SPEF2: variants seen among roughly 807,000 people sequenced by gnomAD.
SPEF2 encodes the protein sperm flagellar and cilia associated 2.
SPEF2 carries 187 observed loss-of-function variants against 224.6 expected under a neutral mutation model. The observed-to-expected ratio is 0.83, with a 90% CI of 0.74 to 0.94. The LOEUF (loss-of-function observed/expected upper bound fraction) is 0.94. Among genes scored for constraint, SPEF2 ranks in the 40% least tolerant of loss-of-function variants. SPEF2 has a pLI of 0.00. For missense variants in SPEF2, 2,170 were observed against 2,135.6 expected (o/e 1.02, Z -0.32); for synonymous variants, 715 against 707.3 (o/e 1.01, Z -0.17).
intron 28 of SPEF2, among the ~76,000 whole-genome samples, chr5:35,774,470 G>A (rs977078909): frequency 6.6e-6 from 1 of 152,032 alleles, no homozygotes; most frequent in African/African-American, 2.4e-5. Context: ...AGGCTAACAG[G>A]CCCTGAAAAT....
chr5:35,798,819 C>T (rs1001252676), intron 33 of SPEF2, among the ~76,000 whole-genome samples: 11 of 152,180 alleles, frequency 7.2e-5, no homozygotes, highest in African/African-American at 2.6e-4. Context: ...GTCTCCAACT[C>T]TGTTGGAGTT....
Position 35,709,866 on chromosome 5 carries a change from T to C in SPEF2, c.2839+745T>C, listed in dbSNP as rs1170092729. ...ACAAATGAGGCTCTGGTTTCTAGTT[T>C]CAGCTTTATAAATGGCTGACTGTGC... On this transcript the variant is annotated intron_variant, in intron 19 of 36. Transcript: ENST00000356031. The C allele has an allele frequency of 3.0e-6, 3 of 985,306 alleles. No homozygotes were observed. In the African/African-American group the frequency reaches 5.2e-5, roughly 17 times the overall value. 61.0% of individuals were successfully genotyped at this position (985,306 alleles called of 1,614,324 possible). A position where few individuals can be genotyped will look rare whatever the true frequency, so the allele number is the denominator to read the frequency against.
At chr5:35,783,880 T>C (rs1165590328) in intron 30 of SPEF2, among the ~76,000 whole-genome samples, 1 of 152,200 alleles carries the variant, frequency 6.6e-6, no homozygotes, top group Non-Finnish European at 1.5e-5. Context: ...TGTTCCTCTG[T>C]CTGCACTTAA....
chr5:35,685,096 A>G (rs534822280), intron 10 of SPEF2, among the ~76,000 whole-genome samples: 2 of 152,316 alleles, frequency 1.3e-5, no homozygotes, highest in African/African-American at 2.4e-5. Flanking sequence ...GATTATTATT[A>G]TGTACAGAGC....
Position 35,644,341 on chromosome 5 carries a change from CT to C in SPEF2, c.415-8del, listed in dbSNP as rs772418208. On this transcript the variant is annotated splice_polypyrimidine_tract_variant and intron_variant, in intron 3 of 36. Coordinates refer to ENST00000356031, the MANE Select transcript of SPEF2 (RefSeq NM_024867.4). The stretch of plus-strand genomic sequence containing the variant: ...TTCTCTAATAAAATCTTTTGAAATG[CT>C]TTTTTCATTTAGAGACTTAGACACA... 2.6e-5 allele frequency: 38 copies of C among 1,478,282 alleles called. No homozygotes were observed. The highest frequency in any genetic ancestry group is 3.1e-5 in the Non-Finnish European group (34 of 1,109,542). 91.6% of individuals were successfully genotyped at this position (1,478,282 alleles called of 1,614,324 possible).
At chr5:35,795,552 C>A in intron 32 of SPEF2, 151 bp from the exon 33 acceptor site, 2 of 565,930 alleles carry the variant, frequency 3.5e-6, no homozygotes, top group South Asian at 2.6e-5. Context: ...AATGGAAGTT[C>A]TAGTATTTTC....
chr5:35,710,191 TGTCTCATTA>T (rs1740810706), intron 19 of SPEF2: 2 of 984,696 alleles, frequency 2.0e-6, no homozygotes, highest in Admixed American at 1.2e-4. Context: ...CTTTTCCCGC[TGTCTCATTA>T]GGAAATTAAA....
intron 10 of SPEF2, chr5:35,671,391 T>G (rs1265763509): frequency 1.0e-6 from 1 of 966,628 alleles, no homozygotes; most frequent in East Asian, 1.1e-4. Context: ...AAGAGAATTA[T>G]TATTAAGGAT....
chr5:35,708,695 C>CCACTACCACCAT (rs1740463101), intron 18 of SPEF2, among the ~76,000 whole-genome samples: 14 of 958 alleles, frequency 0.015, no homozygotes, highest in East Asian at 0.029. Context: ...ACCTCCATCA[C>CCACTACCACCAT]CATCACCACC....
rs769776946 is a variant in SPEF2, at chr5:35,697,844, CA to C, written c.2141+52del. ...CATCTATTTAATATATTCTTTATCA[CA>C]CAAAGATGTATAAAGAATAATACGG... is the stretch of plus-strand genomic sequence containing the variant. On this transcript the variant is annotated intron_variant, in intron 15 of 36. Transcript: ENST00000356031. The C allele has an allele frequency of 9.9e-6, 13 of 1,309,272 alleles. No homozygotes were observed. In the Middle Eastern group the frequency reaches 9.2e-4, roughly 93 times the overall value. 81.1% of individuals were successfully genotyped at this position (1,309,272 alleles called of 1,614,324 possible). A position where few individuals can be genotyped will look rare whatever the true frequency, so the allele number is the denominator to read the frequency against.
At chr5:35,789,194 C>T (rs1271097914) in intron 30 of SPEF2, 1 of 702,954 alleles carries the variant, frequency 1.4e-6, no homozygotes, top group South Asian at 1.5e-5. Flanking sequence ...TCAAAAGAAA[C>T]CCAAAGAACT....
At chr5:35,693,503 G>A (rs781395320) in intron 12 of SPEF2, among the ~76,000 whole-genome samples, 3 of 152,032 alleles carry the variant, frequency 2.0e-5, no homozygotes, top group Non-Finnish European at 2.9e-5. Context: ...TTTCATTATT[G>A]CATGAAGATT....
At chr5:35,631,860 T>A (rs1745183037) in intron 2 of SPEF2, among the ~76,000 whole-genome samples, 1 of 152,224 alleles carries the variant, frequency 6.6e-6, no homozygotes, top group Non-Finnish European at 1.5e-5. Context: ...TGAAGTAATA[T>A]GCAGGCATTG....
chr5:35,695,221 A>G, intron 13 of SPEF2, among the ~76,000 whole-genome samples: 1 of 150,392 alleles, frequency 6.6e-6, no homozygotes, highest in Admixed American at 6.6e-5. Flanking sequence ...ATATTCTATT[A>G]TACATTAGTC....
At chr5:35,796,850 G>A (rs139221056) in intron 33 of SPEF2, among the ~76,000 whole-genome samples, 93 of 152,270 alleles carry the variant, frequency 6.1e-4, no homozygotes, top group Non-Finnish European at 1.0e-3. Context: ...TAGCAGGAGA[G>A]CAGGTAAGAG....
rs138482241 is a variant in SPEF2 at position 35,778,833 on chromosome 5, A to G, written c.4218-284A>G. On this transcript the variant is annotated intron_variant, in intron 29 of 36. Transcript: ENST00000356031. ...ACATAGTAAAATATATTCTAATACT[A>G]ATAAAAACTATATTTAATAGGTTCT... Among the ~76,000 whole-genome samples the G allele has an allele frequency of 6.2e-4, 95 of 152,300 alleles. 1 individual carries two copies. In the East Asian group the frequency reaches 0.018, roughly 28 times the overall value.
intron 36 of SPEF2, chr5:35,807,715 C>T (rs1758250040): frequency 6.5e-7 from 1 of 1,535,994 alleles, no homozygotes; most frequent in Non-Finnish European, 8.7e-7. Context: ...AAACAGTGTG[C>T]AAGATGGAGA....
rs1459397147 is a variant in SPEF2 at position 35,793,330 on chromosome 5, C to A, written c.4726C>A (p.Gln1576Lys). Residue 1576 changes from glutamine to lysine, a missense_variant, in exon 32 of 37, where the codon CAG becomes AAG. By Grantham distance (53) the Gln-to-Lys change is moderately conservative. Coordinates refer to ENST00000356031, the MANE Select transcript of SPEF2 (RefSeq NM_024867.4). ...GCAGTTGGGCACCATCACTTTTGAGCAGTATATGCAGGTTGTTACCAGCAC... is the reference window on the plus strand; with the variant it reads ...GCAGTTGGGCACCATCACTTTTGAGAAGTATATGCAGGTTGTTACCAGCAC... ...KEQLGTITFE[Q>K]YMQAGLWFTG... 7 of 1,611,696 alleles carry A rather than the reference C, an allele frequency of 4.3e-6. No individual in the cohort carries two copies. In the East Asian group the frequency reaches 1.6e-4, roughly 36 times the overall value.
rs764207071 is a variant in SPEF2 at position 35,739,970 on chromosome 5, A to G, written c.3115A>G (p.Ile1039Val). ...CTGGGAACTAATAGAAAATTCCTAT[A>G]TAAACACCATCAAAACAGTACTCAG... ...PYWELIENSY[I>V]NTIKTVLRHL... Residue 1039 changes from isoleucine (I) to valine (V), a missense_variant, in exon 22 of 37, where the codon ATA becomes GTA. Coordinates refer to ENST00000356031, the MANE Select transcript of SPEF2 (RefSeq NM_024867.4). 1.6e-5 allele frequency: 26 copies of G among 1,614,058 alleles called. No individual in the cohort carries two copies. In the African/African-American group the frequency reaches 2.7e-4, roughly 17 times the overall value.
Sources: gnomAD v4.1 joint callset for allele counts (sites outside exome capture counted in the v4.1 genomes callset) on GRCh38, gnomAD v4.1.1 for gene constraint, MANE v1.5 for transcripts, NCBI Gene and HGNC (gene_info 2026-07-23, HGNC 2026-07-21) for gene names.